Variants in MTUS2 observed in about 807,000 individuals in gnomAD.
The protein encoded by MTUS2 is microtubule-associated tumor suppressor candidate 2.
A neutral mutation model predicts 114.1 loss-of-function variants in MTUS2; 40 were observed. The ratio of observed to expected loss-of-function variants is 0.35; its 90% CI spans 0.27 to 0.46. MTUS2 has a LOEUF of 0.46. Among genes scored for constraint, MTUS2 ranks in the 20% least tolerant of loss-of-function variants. The pLI is 1.00. For synonymous variants in MTUS2, 688 were observed against 672.0 expected (o/e 1.02, Z -0.37); for missense variants, 1,679 against 1,705.4 (o/e 0.98, Z 0.27).
At chr13:29,066,180 C>T (rs1022986505) in intron 4 of MTUS2, among the ~76,000 whole-genome samples, 6 of 152,200 alleles carry the variant, frequency 3.9e-5, no homozygotes, top group Non-Finnish European at 8.8e-5. Context: ...GACAGGATGC[C>T]TTGATCACCC....
intron 4 of MTUS2, among the ~76,000 whole-genome samples, chr13:29,093,681 TAAG>T (rs1890058900): frequency 6.6e-6 from 1 of 152,218 alleles, no homozygotes; most frequent in African/African-American, 2.4e-5. Context: ...TTTCTATATA[TAAG>T]ATCATGTCAT....
At chr13:29,041,321 C>A (rs761930922) in intron 4 of MTUS2, among the ~76,000 whole-genome samples, 2 of 152,148 alleles carry the variant, frequency 1.3e-5, no homozygotes, top group South Asian at 2.1e-4. Context: ...TATTTTCATA[C>A]CAGCACCATA....
chr13:29,032,828 A>G (rs1008605829), intron 3 of MTUS2, among the ~76,000 whole-genome samples: 1 of 152,246 alleles, frequency 6.6e-6, no homozygotes, highest in Non-Finnish European at 1.5e-5. Flanking sequence ...AGTTTGACAC[A>G]TAAAATGTGC....
intron 2 of MTUS2, among the ~76,000 whole-genome samples, chr13:28,908,175 T>C (rs1880167479): frequency 6.6e-6 from 1 of 151,522 alleles, no homozygotes; most frequent in Admixed American, 6.6e-5. Flanking sequence ...AGTTTTAGGG[T>C]ACGTGTACAC....
At chr13:29,172,802 T>A (rs996825079) in intron 5 of MTUS2, among the ~76,000 whole-genome samples, 4 of 152,206 alleles carry the variant, frequency 2.6e-5, no homozygotes, top group South Asian at 2.1e-4. Context: ...GAAGGTGTGA[T>A]CATGCAGTGA....
chr13:28,841,986 A>G (rs553392796), intron 2 of MTUS2, among the ~76,000 whole-genome samples: 3 of 152,224 alleles, frequency 2.0e-5, no homozygotes, highest in African/African-American at 7.2e-5. Flanking sequence ...CGCCCGGCCA[A>G]AGTTTGTTTT....
At chr13:29,482,492 A>G (rs1370780463) in intron 10 of MTUS2, 1 of 152,244 alleles carries the variant, frequency 6.6e-6, no homozygotes, top group Admixed American at 6.5e-5. Context: ...CGCTCTGTTC[A>G]TGATCCTTTA....
chr13:28,914,768 G>A (rs1217589252), intron 2 of MTUS2, among the ~76,000 whole-genome samples: 3 of 152,030 alleles, frequency 2.0e-5, no homozygotes, highest in Non-Finnish European at 4.4e-5. Context: ...GGGTGCTCCT[G>A]TATTAGGTGC....
At chr13:29,310,589 G>A (rs149901131) in intron 6 of MTUS2, among the ~76,000 whole-genome samples, 30 of 152,178 alleles carry the variant, frequency 2.0e-4, no homozygotes, top group Admixed American at 7.9e-4. Flanking sequence ...AAAAGATTTG[G>A]TCAACACTCC....
chr13:29,160,077 C>T (rs1232831266), intron 5 of MTUS2, among the ~76,000 whole-genome samples: 2 of 152,142 alleles, frequency 1.3e-5, no homozygotes, highest in Non-Finnish European at 2.9e-5. Flanking sequence ...TGTAATAATC[C>T]AAAACTGGAA....
intron 7 of MTUS2, among the ~76,000 whole-genome samples, chr13:29,340,628 A>G (rs554743597): frequency 6.6e-6 from 1 of 152,150 alleles, no homozygotes; most frequent in East Asian, 1.9e-4. Context: ...CACTAATGTC[A>G]TCTCTCTTTT....
rs56164752 is a variant in MTUS2 at position 29,365,510 on chromosome 13, T to TTGTGTGTGTGTGTGTGTGTGTGTGTG, written c.3117+6056_3117+6057insGTGTGTGTGTGTGTGTGTGTGTGTGT. On this transcript the variant is annotated intron_variant, in intron 8 of 15. Coordinates refer to ENST00000612955, the MANE Select transcript of MTUS2 (RefSeq NM_001033602.4). ...CATCAATACGTTTTTTTGTTTGGGTTTGTGTGTGTGTGTGTGTGTAATTAA... is the reference window on the plus strand; with the variant it reads ...CATCAATACGTTTTTTTGTTTGGGTTTGTGTGTGTGTGTGTGTGTGTGTGTGTGTGTGTGTGTGTGTGTGTAATTAA... Among the ~76,000 whole-genome samples the TTGTGTGTGTGTGTGTGTGTGTGTGTG allele has an allele frequency of 2.0e-3, 291 of 146,926 alleles. 3 individuals carry two copies. The highest frequency in any genetic ancestry group is 5.5e-3 in the East Asian group (27 of 4,924).
chr13:29,285,422 G>T (rs777832138), intron 6 of MTUS2, among the ~76,000 whole-genome samples: 14 of 151,942 alleles, frequency 9.2e-5, no homozygotes, highest in Admixed American at 2.0e-4. Flanking sequence ...TGCCTCTTCT[G>T]ATGAATGAGT....
chr13:29,404,282 G>T (rs1312561692), intron 8 of MTUS2, among the ~76,000 whole-genome samples: 1 of 151,884 alleles, frequency 6.6e-6, no homozygotes, highest in African/African-American at 2.4e-5. Context: ...GCCTGGAGAG[G>T]TCGAGGCTGC....
At chr13:29,132,164 A>G (rs763690560) in intron 5 of MTUS2, among the ~76,000 whole-genome samples, 4 of 152,228 alleles carry the variant, frequency 2.6e-5, no homozygotes, top group Non-Finnish European at 4.4e-5. Context: ...ATACACATAC[A>G]TATACTTTTC....
intron 1 of MTUS2, among the ~76,000 whole-genome samples, chr13:28,839,238 G>A (rs1324435928): frequency 1.3e-5 from 2 of 152,096 alleles, no homozygotes; most frequent in Admixed American, 6.5e-5. Flanking sequence ...TTTTCTTAAC[G>A]ATTTAATTAA....
At chr13:29,225,325 C>G (rs1024500538) in intron 5 of MTUS2, among the ~76,000 whole-genome samples, 6 of 152,214 alleles carry the variant, frequency 3.9e-5, no homozygotes, top group Non-Finnish European at 5.9e-5. Flanking sequence ...GGATATACAT[C>G]ATAGTGTGAT....
intron 8 of MTUS2, among the ~76,000 whole-genome samples, chr13:29,364,153 C>G (rs1870508607): frequency 6.6e-6 from 1 of 152,090 alleles, no homozygotes; most frequent in African/African-American, 2.4e-5. Flanking sequence ...AAACAATAAT[C>G]TAAAAGTTAA....
At chr13:28,979,930 C>T (rs540142790) in intron 2 of MTUS2, among the ~76,000 whole-genome samples, 1 of 152,088 alleles carries the variant, frequency 6.6e-6, no homozygotes, top group African/African-American at 2.4e-5. Context: ...AACCAGTGCT[C>T]CCTTAAAAGA....
Sources: allele counts gnomAD v4.1 joint callset (sites outside exome capture counted in the v4.1 genomes callset), GRCh38; gene constraint gnomAD v4.1.1; transcripts MANE v1.5; gene names NCBI Gene and HGNC (gene_info 2026-07-23, HGNC 2026-07-21).